Variants in DHRS7B observed in about 807,000 individuals in gnomAD.
DHRS7B encodes the protein dehydrogenase/reductase 7B.
Under a neutral mutation model 26.4 loss-of-function variants are expected in DHRS7B, and 24 were observed. The observed-to-expected ratio is 0.91, with a 90% CI of 0.66 to 1.28. The LOEUF is 1.28. Ranked by LOEUF, DHRS7B falls within the 50% of genes most tolerant of loss-of-function variation. The pLI, the probability that DHRS7B is intolerant of heterozygous loss-of-function variation, is 0.00. For synonymous variants in DHRS7B, 142 were observed against 166.4 expected (o/e 0.85, Z 1.13); for missense variants, 368 against 419.4 (o/e 0.88, Z 1.07).
intron 1 of DHRS7B, chr17:21,128,060 C>A (rs1275038149): frequency 1.3e-5 from 2 of 152,146 alleles, no homozygotes; most frequent in Non-Finnish European, 2.9e-5. Context: ...ATCATAGGAA[C>A]TATAATTTTT....
intron 1 of DHRS7B, among the ~76,000 whole-genome samples, chr17:21,160,415 A>C (rs1973976166): frequency 6.6e-6 from 1 of 152,204 alleles, no homozygotes; most frequent in South Asian, 2.1e-4. Flanking sequence ...AAATGGACAA[A>C]AGATCTGAAG....
chr17:21,131,289 G>A (rs1169101755), intron 1 of DHRS7B, among the ~76,000 whole-genome samples: 1 of 152,236 alleles, frequency 6.6e-6, no homozygotes, highest in Non-Finnish European at 1.5e-5. Context: ...TGCTAAAGAA[G>A]GGGTGGATTA....
chr17:21,170,528 A>T (rs1411838386), intron 1 of DHRS7B, among the ~76,000 whole-genome samples: 1 of 152,160 alleles, frequency 6.6e-6, no homozygotes, highest in Non-Finnish European at 1.5e-5. Context: ...ATAGTAGCTG[A>T]GGTGTTTTCA....
chr17:21,170,860 AT>A (rs35799443), intron 1 of DHRS7B, among the ~76,000 whole-genome samples: 1 of 150,560 alleles, frequency 6.6e-6, no homozygotes, highest in Non-Finnish European at 1.5e-5. Flanking sequence ...AGGAAGCAGA[AT>A]TTTTTTTTTA....
At chr17:21,146,366 A>G (rs1303190293) in intron 1 of DHRS7B, among the ~76,000 whole-genome samples, 1 of 152,214 alleles carries the variant, frequency 6.6e-6, no homozygotes, top group Non-Finnish European at 1.5e-5. Context: ...ACACTACTGC[A>G]CTCCAGCCTG....
In DHRS7B at chr17:21,133,444, GA is replaced by G. The variant is rs199645074; in HGVS notation, c.20+6454del. Among the ~76,000 whole-genome samples the G allele has an allele frequency of 9.6e-3, 1,459 of 152,338 alleles. 26 individuals are homozygous for G. Among genetic ancestry groups the G allele is most frequent in the African/African-American group, 0.034 (1,393 of 41,574 alleles). ...CCCCTTCAGGGGCTTCCAGGTCACA[GA>G]TAGGTGAGAGACAAATGGTTGCATT... On this transcript the variant is annotated intron_variant, in intron 1 of 6. Transcript: ENST00000395511.
At chr17:21,141,428 T>G (rs1973506660) in intron 1 of DHRS7B, among the ~76,000 whole-genome samples, 1 of 152,008 alleles carries the variant, frequency 6.6e-6, no homozygotes, top group East Asian at 1.9e-4. Context: ...CCTTAACAAC[T>G]TCAGACAGGA....
chr17:21,136,219 T>G (rs1411442929), intron 1 of DHRS7B, among the ~76,000 whole-genome samples: 1 of 151,868 alleles, frequency 6.6e-6, no homozygotes, highest in Non-Finnish European at 1.5e-5. Flanking sequence ...GGAAAATCAC[T>G]TGAACCCAGG....
chr17:21,127,019 G>C, intron 1 of DHRS7B, 28 bp downstream of exon 1: 1 of 1,513,052 alleles, frequency 6.6e-7, no homozygotes. Context: ...AGGAACCTCC[G>C]AGATGAGGCG....
chr17:21,135,641 T>C (rs1042843473), intron 1 of DHRS7B, among the ~76,000 whole-genome samples: 1 of 152,210 alleles, frequency 6.6e-6, no homozygotes, highest in African/African-American at 2.4e-5. Flanking sequence ...ATTTTATAAA[T>C]AATCTATAAG....
chr17:21,171,778 G>A, intron 1 of DHRS7B: 1 of 637,336 alleles, frequency 1.6e-6, no homozygotes, highest in Admixed American at 2.2e-5. Flanking sequence ...CTTGTTCCCT[G>A]AGGGGCAGCA....
chr17:21,179,093 TGCC>T (rs1307234775), intron 3 of DHRS7B, among the ~76,000 whole-genome samples: 1 of 151,984 alleles, frequency 6.6e-6, no homozygotes, highest in Non-Finnish European at 1.5e-5. Flanking sequence ...TATAGGCATG[TGCC>T]ACCACACCCA....
intron 1 of DHRS7B, among the ~76,000 whole-genome samples, chr17:21,168,519 C>A (rs1974163656): frequency 6.6e-6 from 1 of 152,102 alleles, no homozygotes; most frequent in African/African-American, 2.4e-5. Context: ...CAGACGTGCA[C>A]TACCATACCT....
At chr17:21,150,789 A>G (rs1297909176) in intron 1 of DHRS7B, among the ~76,000 whole-genome samples, 2 of 152,224 alleles carry the variant, frequency 1.3e-5, no homozygotes, top group Admixed American at 1.3e-4. Context: ...TTAAGCCATC[A>G]GCAGTGCTTG....
chr17:21,169,773 G>A (rs1281538316), intron 1 of DHRS7B, among the ~76,000 whole-genome samples: 1 of 152,178 alleles, frequency 6.6e-6, no homozygotes, highest in African/African-American at 2.4e-5. Context: ...CCACGGAGGA[G>A]TGTTCGGAGG....
At position 21,128,539 on chromosome 17, in the gene DHRS7B, A is replaced by C. The variant is rs1225959008; in HGVS notation, c.20+1548A>C. On this transcript the variant is annotated intron_variant, in intron 1 of 6. Coordinates refer to ENST00000395511, the MANE Select transcript of DHRS7B (RefSeq NM_015510.5). ...GGTGAAACCCCGTCTCTACTAAAAA[A>C]ATTCAAAAAAATTGGCTGGGCTTGG... 4 of 152,106 alleles carry C rather than the reference A, an allele frequency of 2.6e-5. No homozygotes were observed. The East Asian group carries it at 5.8e-4, about 22-fold the overall frequency. The allele number at this position is 152,106 out of a possible 1,614,324, so 9.4% of individuals were successfully genotyped here. A position where few individuals can be genotyped will look rare whatever the true frequency, so the allele number is the denominator to read the frequency against.
At chr17:21,190,707 T>G (rs1215539225) in intron 6 of DHRS7B, among the ~76,000 whole-genome samples, 1 of 152,116 alleles carries the variant, frequency 6.6e-6, no homozygotes, top group Non-Finnish European at 1.5e-5. Context: ...TCTACCTTGT[T>G]TCCACATCCC....
At chr17:21,187,060 G>C (rs994976088) in intron 5 of DHRS7B, among the ~76,000 whole-genome samples, 7 of 148,680 alleles carry the variant, frequency 4.7e-5, no homozygotes, top group African/African-American at 1.8e-4. Flanking sequence ...TGCAGGAACA[G>C]TAGAATAGGT....
chr17:21,183,526 C>A, intron 3 of DHRS7B, 68 bp from the exon 4 acceptor site: 2 of 1,429,764 alleles, frequency 1.4e-6, no homozygotes, highest in Non-Finnish European at 2.0e-6. Context: ...GCTAAGTGAT[C>A]CGTGGGACAC....
Sources: allele counts gnomAD v4.1 joint callset (sites outside exome capture counted in the v4.1 genomes callset), GRCh38; gene constraint gnomAD v4.1.1; transcripts MANE v1.5; gene names NCBI Gene and HGNC (gene_info 2026-07-23, HGNC 2026-07-21).